KCND3: variants seen among roughly 807,000 people sequenced by gnomAD.
KCND3 encodes the protein A-type voltage-gated potassium channel KCND3.
In KCND3, 9 loss-of-function variants were observed where a neutral mutation model predicts 51.1. The observed-to-expected ratio is 0.18, with a 90% confidence interval of 0.11 to 0.31. The LOEUF (loss-of-function observed/expected upper bound fraction) is 0.31. Ranked by LOEUF, KCND3 falls within the 10% of genes least tolerant of loss-of-function variation. KCND3 has a pLI of 1.00. For synonymous variants in KCND3, 349 were observed against 368.0 expected (o/e 0.95, Z 0.59); for missense variants, 526 against 903.8 (o/e 0.58, Z 5.36).
At chr1:111,950,721 G>C (rs1393141174) in intron 2 of KCND3, among the ~76,000 whole-genome samples, 1 of 152,202 alleles carries the variant, frequency 6.6e-6, no homozygotes, top group African/African-American at 2.4e-5. Context: ...CTAAGGAAGA[G>C]CCCTTCCTTA....
chr1:111,864,212 C>A (rs1443549365), intron 2 of KCND3, among the ~76,000 whole-genome samples: 3 of 152,062 alleles, frequency 2.0e-5, no homozygotes, highest in African/African-American at 7.2e-5. Flanking sequence ...CTCTCAGTCC[C>A]ACATGGCACT....
chr1:111,915,499 TC>T (rs1671155160), intron 2 of KCND3, among the ~76,000 whole-genome samples: 1 of 152,026 alleles, frequency 6.6e-6, no homozygotes, highest in African/African-American at 2.4e-5. Flanking sequence ...ATGCCTGTAA[TC>T]CCAGCACTTT....
At position 111,834,384 on chromosome 1, in the gene KCND3, AC is replaced by A. The variant is rs551299103; in HGVS notation, c.1107-47279del. On this transcript the variant is annotated intron_variant, in intron 2 of 7. Transcript: ENST00000302127. ...CAAAACACAAGAGCTTGAAAAACCA[AC>A]CCCAAGACTTGCTAAACTTAAGGAT... Among the ~76,000 whole-genome samples the A allele has an allele frequency of 1.9e-3, 292 of 152,258 alleles. 2 individuals carry two copies. Among genetic ancestry groups the A allele is most frequent in the Admixed American group, 3.9e-3 (59 of 15,294 alleles).
Position 111,986,432 on chromosome 1 carries a change from A to G in KCND3, c.-73+3073T>C, listed in dbSNP as rs1460699767. 2.0e-5 allele frequency among the ~76,000 whole-genome samples: 3 copies of G among 152,164 alleles called. No individual in the cohort carries two copies. The East Asian group carries it at 5.8e-4, about 29-fold the overall frequency. On this transcript the variant is annotated intron_variant, in intron 1 of 7. Transcript: ENST00000302127. ...GCTTTCCTGATCTAGGTGTTGCCCA[A>G]TACTGATGTTCCCAAGAGAAGACAG...
intron 2 of KCND3, among the ~76,000 whole-genome samples, chr1:111,860,634 G>A (rs1668296284): frequency 6.6e-6 from 1 of 152,202 alleles, no homozygotes; most frequent in African/African-American, 2.4e-5. Context: ...AGCTGCAACT[G>A]TGAAATCATA....
At chr1:111,825,426 C>A (rs1017513390) in intron 2 of KCND3, among the ~76,000 whole-genome samples, 1 of 152,184 alleles carries the variant, frequency 6.6e-6, no homozygotes, top group Non-Finnish European at 1.5e-5. Context: ...TGTAGCTCTG[C>A]CCATAAGCCA....
chr1:111,776,591 G>C (rs1195493719), intron 7 of KCND3, among the ~76,000 whole-genome samples: 4 of 152,154 alleles, frequency 2.6e-5, no homozygotes, highest in Non-Finnish European at 5.9e-5. Context: ...GAGGTAGTGG[G>C]AAGTGGCCTA....
At chr1:111,868,860 T>C (rs1350949062) in intron 2 of KCND3, among the ~76,000 whole-genome samples, 1 of 152,174 alleles carries the variant, frequency 6.6e-6, no homozygotes, top group Admixed American at 6.5e-5. Context: ...CTTAGCCTTC[T>C]CTGTCTCCCG....
chr1:111,899,437 C>T lies in KCND3; in HGVS notation c.1106+82184G>A, dbSNP rs562295115. On this transcript the variant is annotated intron_variant, in intron 2 of 7. Transcript: ENST00000302127. ...CTGCTTCTTGGCCTGAGGCAGGGAC[C>T]GGGGTCAGGGAGGCAAGGTGGCCCT... Among the ~76,000 whole-genome samples, 8 of 152,312 alleles carry T rather than the reference C, an allele frequency of 5.3e-5. No individual in the cohort carries two copies. The South Asian group carries it at 1.2e-3, about 24-fold the overall frequency.
At chr1:111,836,263 T>A in intron 2 of KCND3, among the ~76,000 whole-genome samples, 1 of 152,198 alleles carries the variant, frequency 6.6e-6, no homozygotes, top group Non-Finnish European at 1.5e-5. Context: ...ACTGCCAGTT[T>A]GGGCCGCCTG....
rs549038376 is a variant in KCND3 at position 111,895,694 on chromosome 1, G to A, written c.1106+85927C>T. Among the ~76,000 whole-genome samples, 28 of 152,316 alleles carry A rather than the reference G, an allele frequency of 1.8e-4. No individual in the cohort carries two copies. In the South Asian group the frequency reaches 5.2e-3, roughly 28 times the overall value. On this transcript the variant is annotated intron_variant, in intron 2 of 7. Transcript: ENST00000302127. ...CCCCTTCTCCATATGCTCAGAATGC[G>A]CTAGCGCGCCTGCCGTGGGGAGTGG...
chr1:111,862,779 A>C (rs1251277360), intron 2 of KCND3, among the ~76,000 whole-genome samples: 1 of 152,206 alleles, frequency 6.6e-6, no homozygotes, highest in Non-Finnish European at 1.5e-5. Flanking sequence ...CAGCTATTAT[A>C]GGTAAAGCAT....
intron 2 of KCND3, among the ~76,000 whole-genome samples, chr1:111,945,708 C>A (rs911018641): frequency 7.9e-5 from 12 of 152,240 alleles, no homozygotes; most frequent in African/African-American, 2.9e-4. Context: ...TCCCCAGCAG[C>A]TGGGTTTTCT....
chr1:111,853,931 A>G (rs1667939906), intron 2 of KCND3: 1 of 152,242 alleles, frequency 6.6e-6, no homozygotes, highest in South Asian at 2.1e-4. Context: ...GTTATGAGAG[A>G]TGAGGCTGTT....
intron 2 of KCND3, among the ~76,000 whole-genome samples, chr1:111,840,167 G>A (rs1677535): frequency 1.3e-5 from 2 of 151,880 alleles, no homozygotes; most frequent in Admixed American, 6.6e-5. Context: ...TTCATGAGAC[G>A]TCTGCAGTTA....
intron 2 of KCND3, among the ~76,000 whole-genome samples, chr1:111,950,068 A>G (rs1672982854): frequency 6.6e-6 from 1 of 151,930 alleles, no homozygotes; most frequent in African/African-American, 2.4e-5. Flanking sequence ...ATGCCACCAT[A>G]CCTGGCTCAT....
chr1:111,871,707 T>C (rs1456124001), intron 2 of KCND3, among the ~76,000 whole-genome samples: 2 of 152,118 alleles, frequency 1.3e-5, no homozygotes, highest in Non-Finnish European at 2.9e-5. Flanking sequence ...AAATTGGATA[T>C]GGTTTCCAAA....
intron 2 of KCND3, among the ~76,000 whole-genome samples, chr1:111,937,968 T>C (rs1672303343): frequency 6.6e-6 from 1 of 152,210 alleles, no homozygotes; most frequent in South Asian, 2.1e-4. Flanking sequence ...CTTGTTGCCT[T>C]TGGAAGGAAG....
At chr1:111,962,816 T>C (rs918925909) in intron 2 of KCND3, among the ~76,000 whole-genome samples, 4 of 152,202 alleles carry the variant, frequency 2.6e-5, no homozygotes, top group East Asian at 1.9e-4. Context: ...GTAGAATCTG[T>C]TTATCTACTC....
Sources: gnomAD v4.1 joint callset for allele counts (sites outside exome capture counted in the v4.1 genomes callset) on GRCh38, gnomAD v4.1.1 for gene constraint, MANE v1.5 for transcripts, NCBI Gene and HGNC (gene_info 2026-07-23, HGNC 2026-07-21) for gene names.